CTTNBP2: variants seen among roughly 807,000 people sequenced by gnomAD.
CTTNBP2 encodes the protein cortactin-binding protein 2.
CTTNBP2 carries 108 observed loss-of-function variants against 156.9 expected under a neutral mutation model. The ratio of observed to expected loss-of-function variants is 0.69; its 90% CI spans 0.59 to 0.81. The LOEUF is 0.81. Ranked by LOEUF, CTTNBP2 falls within the 30% of genes least tolerant of loss-of-function variation. The pLI, the probability that CTTNBP2 is intolerant of heterozygous loss-of-function variation, is 0.00. For synonymous variants in CTTNBP2, 767 were observed against 751.8 expected, an observed-to-expected ratio of 1.02 and a Z score of -0.33; for missense variants, 1,924 against 2,035.4, an observed-to-expected ratio of 0.95 and a Z score of 1.05.
At chr7:117,819,238 T>C (rs1361489093) in intron 2 of CTTNBP2, among the ~76,000 whole-genome samples, 1 of 152,020 alleles carries the variant, frequency 6.6e-6, no homozygotes, top group Non-Finnish European at 1.5e-5. Context: ...TATTTGTAAA[T>C]AAAAGGGAAT....
Position 117,760,688 on chromosome 7 carries a change from C to T in CTTNBP2, c.2919G>A (p.Arg973=). The change falls in exon 10 of 23, where the codon AGG becomes AGA. Residue 973 remains arginine (R), a synonymous_variant. Transcript: ENST00000160373. The part of the protein sequence containing the change: ...ENLNALKIPL[R]ISVGEIEPSN... ...TTGGTTCAATCTCACCCACTGAAAT[C>T]CTTAAGGGTATTTTAAGAGCATCTG... is the stretch of plus-strand genomic sequence containing the variant. 1 of 1,610,602 alleles carries T rather than the reference C, an allele frequency of 6.2e-7. No homozygotes were observed. The highest frequency in any genetic ancestry group is 8.5e-7 in the Non-Finnish European group (1 of 1,177,306).
chr7:117,839,812 C>T (rs1802168351), intron 2 of CTTNBP2, among the ~76,000 whole-genome samples: 1 of 152,312 alleles, frequency 6.6e-6, no homozygotes, highest in African/African-American at 2.4e-5. Flanking sequence ...CATAATCCAC[C>T]TTTACTCCTC....
intron 1 of CTTNBP2, 97 bp from the exon 2 acceptor site, chr7:117,861,413 C>T (rs1301285158): frequency 1.2e-6 from 1 of 804,796 alleles, no homozygotes; most frequent in Non-Finnish European, 2.0e-6. Flanking sequence ...ATCCCAGTGG[C>T]TCGGCAGATC....
At chr7:117,769,946 T>C (rs1797715765) in intron 8 of CTTNBP2, among the ~76,000 whole-genome samples, 1 of 152,234 alleles carries the variant, frequency 6.6e-6, no homozygotes, top group African/African-American at 2.4e-5. Flanking sequence ...CATTTCTCTA[T>C]CTGTATTTCA....
intron 12 of CTTNBP2, among the ~76,000 whole-genome samples, chr7:117,748,848 G>T (rs1796476893): frequency 6.6e-6 from 1 of 152,154 alleles, no homozygotes; most frequent in African/African-American, 2.4e-5. Context: ...AACCCCCAAG[G>T]TGATTGTATT....
chr7:117,718,008 G>A lies in CTTNBP2; in HGVS notation c.4746+10C>T, dbSNP rs756190904. 6 of 1,537,446 alleles carry A rather than the reference G, an allele frequency of 3.9e-6. No homozygotes were observed. The African/African-American group carries it at 4.1e-5, about 10-fold the overall frequency. On this transcript the variant is annotated intron_variant, in intron 22 of 22. Coordinates refer to ENST00000160373, the MANE Select transcript of CTTNBP2 (RefSeq NM_033427.3). ...TCCTTTGTTCACTTTGGGGAGAAAG[G>A]GACACTTACCTTTTGTGACACTGGC... is the stretch of plus-strand genomic sequence containing the variant.
intron 4 of CTTNBP2, among the ~76,000 whole-genome samples, chr7:117,787,101 C>A (rs1324081805): frequency 1.3e-5 from 2 of 152,078 alleles, no homozygotes; most frequent in Non-Finnish European, 2.9e-5. Context: ...TTTAATAAAT[C>A]CTGCCTAAAT....
chr7:117,853,902 A>G (rs1468172496), intron 2 of CTTNBP2, among the ~76,000 whole-genome samples: 1 of 152,110 alleles, frequency 6.6e-6, no homozygotes, highest in Non-Finnish European at 1.5e-5. Flanking sequence ...CATCACCTGC[A>G]TTTTCTAATA....
chr7:117,796,364 C>T (rs945667485), intron 3 of CTTNBP2, among the ~76,000 whole-genome samples: 23 of 152,114 alleles, frequency 1.5e-4, no homozygotes, highest in African/African-American at 5.3e-4. Flanking sequence ...AGCTCAGAGA[C>T]AAACTATGTG....
chr7:117,848,507 G>C (rs926292248), intron 2 of CTTNBP2, among the ~76,000 whole-genome samples: 8 of 152,162 alleles, frequency 5.3e-5, no homozygotes, highest in African/African-American at 1.9e-4. Flanking sequence ...AATTTGAAGA[G>C]GCAGAGATGA....
chr7:117,813,727 G>A (rs2116984399), intron 2 of CTTNBP2, among the ~76,000 whole-genome samples: 1 of 152,166 alleles, frequency 6.6e-6, no homozygotes, highest in South Asian at 2.1e-4. Flanking sequence ...AAAACCTATT[G>A]TCATTCAAAA....
At chr7:117,844,165 G>C (rs1328880247) in intron 2 of CTTNBP2, among the ~76,000 whole-genome samples, 1 of 152,156 alleles carries the variant, frequency 6.6e-6, no homozygotes, top group African/African-American at 2.4e-5. Context: ...ATGCAGACAG[G>C]CTCTAGAAGC....
At chr7:117,752,006 C>T (rs1006996668) in intron 12 of CTTNBP2, among the ~76,000 whole-genome samples, 8 of 152,206 alleles carry the variant, frequency 5.3e-5, no homozygotes, top group African/African-American at 1.9e-4. Context: ...ACTAGGACCT[C>T]ACCCAGGCTT....
intron 2 of CTTNBP2, among the ~76,000 whole-genome samples, chr7:117,825,933 G>T (rs950911469): frequency 3.3e-5 from 5 of 152,168 alleles, no homozygotes; most frequent in Admixed American, 2.6e-4. Context: ...AATGGGAAAT[G>T]GGAAGCCACG....
chr7:117,749,705 TTTTA>T (rs991192322), intron 12 of CTTNBP2, among the ~76,000 whole-genome samples: 1 of 147,210 alleles, frequency 6.8e-6, no homozygotes, highest in Admixed American at 6.7e-5. Flanking sequence ...ATAAATCTTT[TTTTA>T]TTTTTTTTTT....
chr7:117,725,186 A>G lies in CTTNBP2; in HGVS notation c.4127T>C (p.Val1376Ala), dbSNP rs1285039806. The change falls in exon 18 of 23, where the codon GTG (valine) becomes GCG (alanine). Residue 1376 changes from valine (V) to alanine (A), a missense_variant. By Grantham distance (64) the Val-to-Ala change is moderately conservative (BLOSUM62 0). Coordinates refer to ENST00000160373, the MANE Select transcript of CTTNBP2 (RefSeq NM_033427.3). ...VQEAILSRAS[V>A]KRQPGFGQTT... is the part of the protein sequence containing the mutation. Reference sequence around the variant, plus strand: ...CTGCCCAAAGCCAGGTTGTCTTTTCACAGAGGCTCTTGACAATATTGCTTC... The same window carrying G: ...CTGCCCAAAGCCAGGTTGTCTTTTCGCAGAGGCTCTTGACAATATTGCTTC... 1.9e-6 allele frequency: 3 copies of G among 1,614,044 alleles called. No individual in the cohort carries two copies. Among genetic ancestry groups the G allele is most frequent in the South Asian group, 2.2e-5 (2 of 91,070 alleles).
chr7:117,836,914 G>A (rs1026102514), intron 2 of CTTNBP2, among the ~76,000 whole-genome samples: 1 of 152,148 alleles, frequency 6.6e-6, no homozygotes, highest in Non-Finnish European at 1.5e-5. Context: ...CTCCCACGGG[G>A]TCTGTCCCAC....
chr7:117,757,287 A>G (rs1796934380), intron 11 of CTTNBP2, among the ~76,000 whole-genome samples: 1 of 152,246 alleles, frequency 6.6e-6, no homozygotes, highest in African/African-American at 2.4e-5. Flanking sequence ...TGAGAAATTG[A>G]GTATTCCTAT....
intron 2 of CTTNBP2, among the ~76,000 whole-genome samples, chr7:117,819,231 T>C (rs888222093): frequency 9.9e-5 from 15 of 152,038 alleles, no homozygotes; most frequent in African/African-American, 3.6e-4. Context: ...AAAATCCTAT[T>C]TGTAAATAAA....
Sources: allele counts gnomAD v4.1 joint callset (sites outside exome capture counted in the v4.1 genomes callset), GRCh38; gene constraint gnomAD v4.1.1; transcripts MANE v1.5; gene names NCBI Gene and HGNC (gene_info 2026-07-23, HGNC 2026-07-21).